The following CHRM5 variants were observed in gnomAD, a reference collection of about 807,000 sequenced individuals.
CHRM5 encodes cholinergic receptor muscarinic 5.
CHRM5 carries 18 observed loss-of-function variants against 39.0 expected under a neutral mutation model. That is an observed-to-expected ratio of 0.46 (90% confidence interval 0.32 to 0.68). The LOEUF (loss-of-function observed/expected upper bound fraction) is 0.68. Ranked by LOEUF, CHRM5 falls within the 30% of genes least tolerant of loss-of-function variation. The pLI is 0.04. For missense variants in CHRM5, 515 were observed against 651.1 expected, an observed-to-expected ratio of 0.79 and a Z score of 2.28; for synonymous variants, 241 against 246.3, an observed-to-expected ratio of 0.98 and a Z score of 0.20.
At chr15:34,009,256 C>T (rs552454959) in intron 1 of CHRM5, among the ~76,000 whole-genome samples, 9 of 152,256 alleles carry the variant, frequency 5.9e-5, no homozygotes, top group African/African-American at 1.9e-4. Context: ...ACAAGATACA[C>T]TAACAAAGTT....
chr15:34,038,567 G>C (rs1899269885), intron 1 of CHRM5, among the ~76,000 whole-genome samples: 1 of 151,526 alleles, frequency 6.6e-6, no homozygotes, highest in Non-Finnish European at 1.5e-5. Context: ...CGCCAGCCCG[G>C]CCAGGAGGCC....
At chr15:33,975,215 G>A (rs1895833324) in intron 1 of CHRM5, among the ~76,000 whole-genome samples, 1 of 152,096 alleles carries the variant, frequency 6.6e-6, no homozygotes, top group Non-Finnish European at 1.5e-5. Context: ...TGTTGTAATT[G>A]TTCTGCCATC....
chr15:34,062,059 C>G (rs1364372610), intron 2 of CHRM5, among the ~76,000 whole-genome samples: 1 of 151,818 alleles, frequency 6.6e-6, no homozygotes, highest in Non-Finnish European at 1.5e-5. Flanking sequence ...CATTTTTTTT[C>G]CTTTCCCTTC....
At chr15:33,997,317 C>T (rs1896975406) in intron 1 of CHRM5, among the ~76,000 whole-genome samples, 1 of 151,806 alleles carries the variant, frequency 6.6e-6, no homozygotes, top group African/African-American at 2.4e-5. Flanking sequence ...TTTTTTAACC[C>T]ACAAATCAAT....
At chr15:33,992,688 A>C (rs1597324064) in intron 1 of CHRM5, among the ~76,000 whole-genome samples, 1 of 152,166 alleles carries the variant, frequency 6.6e-6, no homozygotes, top group South Asian at 2.1e-4. Context: ...AGCTGAATCA[A>C]TGAGGACAAA....
At chr15:34,009,046 A>G (rs1897514523) in intron 1 of CHRM5, among the ~76,000 whole-genome samples, 1 of 152,132 alleles carries the variant, frequency 6.6e-6, no homozygotes. Context: ...CCCAAAGAAA[A>G]TTAATGGCTA....
intron 1 of CHRM5, among the ~76,000 whole-genome samples, chr15:34,011,160 C>T (rs1333594467): frequency 6.6e-6 from 1 of 152,014 alleles, no homozygotes; most frequent in Non-Finnish European, 1.5e-5. Context: ...CCACTGCACT[C>T]CAGCCTGGGT....
intron 2 of CHRM5, among the ~76,000 whole-genome samples, chr15:34,047,375 C>T (rs528679289): frequency 5.9e-5 from 9 of 152,282 alleles, no homozygotes; most frequent in African/African-American, 1.4e-4. Flanking sequence ...CCGTGCCCGG[C>T]GGAGACCTAG....
intron 1 of CHRM5, among the ~76,000 whole-genome samples, chr15:34,001,775 C>T (rs1343198122): frequency 1.3e-5 from 2 of 152,152 alleles, no homozygotes; most frequent in Non-Finnish European, 2.9e-5. Flanking sequence ...CGGAAAAGCA[C>T]ATTCTATTAA....
At chr15:33,983,184 G>A (rs1021527270) in intron 1 of CHRM5, among the ~76,000 whole-genome samples, 9 of 59,156 alleles carry the variant, frequency 1.5e-4, no homozygotes, top group Admixed American at 9.1e-4. Context: ...ATATACACAC[G>A]TGTGTGTATG....
chr15:33,969,973 T>C (rs919120855), intron 1 of CHRM5, among the ~76,000 whole-genome samples: 1 of 151,992 alleles, frequency 6.6e-6, no homozygotes, highest in Non-Finnish European at 1.5e-5. Context: ...CAAAACGTTA[T>C]CATTTAGCAG....
intron 2 of CHRM5, among the ~76,000 whole-genome samples, chr15:34,060,511 A>C (rs922135676): frequency 1.3e-5 from 2 of 152,228 alleles, no homozygotes; most frequent in Non-Finnish European, 2.9e-5. Flanking sequence ...AAAAGTGTCA[A>C]GACTGGCCAT....
intron 1 of CHRM5, among the ~76,000 whole-genome samples, chr15:34,032,776 C>G (rs1342829159): frequency 6.6e-6 from 1 of 152,166 alleles, no homozygotes; most frequent in Non-Finnish European, 1.5e-5. Context: ...CATTCTCAAT[C>G]TGGCTGTATT....
intron 1 of CHRM5, among the ~76,000 whole-genome samples, chr15:33,984,850 T>C (rs1896355068): frequency 6.6e-6 from 1 of 152,038 alleles, no homozygotes; most frequent in Non-Finnish European, 1.5e-5. Context: ...CAAATAACAG[T>C]TCATTCACTC....
At chr15:34,056,071 T>C (rs1875350850) in intron 2 of CHRM5, among the ~76,000 whole-genome samples, 1 of 152,150 alleles carries the variant, frequency 6.6e-6, no homozygotes, top group South Asian at 2.1e-4. Context: ...GAACTCAAAA[T>C]ATGCTGAGGG....
chr15:34,063,972 A>C lies in CHRM5; in HGVS notation c.1255A>C (p.Asn419His). ...VAKEPSTKGL[N>H]PNPSHQMTKR... is the part of the protein sequence containing the mutation. ...CAAGGAACCTTCAACGAAAGGCCTCAATCCCAACCCCAGCCATCAAATGAC... is the reference window on the plus strand; with the variant it reads ...CAAGGAACCTTCAACGAAAGGCCTCCATCCCAACCCCAGCCATCAAATGAC... Residue 419 changes from asparagine to histidine, a missense_variant, in exon 3 of 3, where the codon AAT (asparagine) becomes CAT (histidine). By Grantham distance (68) the Asn-to-His change is moderately conservative (BLOSUM62 1). Transcript: ENST00000383263. This position sits in a 1 kb window ranked among gnomAD's most constrained non-coding sequence, Gnocchi z 4.1. 6.2e-7 allele frequency: 1 copy of C among 1,614,170 alleles called. No individual in the cohort carries two copies. Among genetic ancestry groups the C allele is most frequent in the Non-Finnish European group, 8.5e-7 (1 of 1,180,032 alleles).
chr15:34,062,662 G>A lies in CHRM5; in HGVS notation c.-56G>A, dbSNP rs1454682258. 18 of 1,524,236 alleles carry A rather than the reference G, an allele frequency of 1.2e-5. No individual in the cohort carries two copies. In the South Asian group the frequency reaches 1.9e-4, roughly 16 times the overall value. 94.4% of individuals were successfully genotyped at this position (1,524,236 alleles called of 1,614,324 possible). Reference sequence around the variant, plus strand: ...TTCCAGATGCTGGCCAAGAAGAGCTGAAATAGAAAACAGCCTAGAACCTAA... The same window carrying A: ...TTCCAGATGCTGGCCAAGAAGAGCTAAAATAGAAAACAGCCTAGAACCTAA... On this transcript the variant is annotated 5_prime_UTR_variant, in exon 3 of 3. The change abolishes the stop of an existing upstream ORF in the 5' untranslated region. Coordinates refer to ENST00000383263, the MANE Select transcript of CHRM5 (RefSeq NM_012125.4).
At chr15:34,027,856 T>TA (rs1003347061) in intron 1 of CHRM5, among the ~76,000 whole-genome samples, 1 of 150,240 alleles carries the variant, frequency 6.7e-6, no homozygotes, top group African/African-American at 2.4e-5. Flanking sequence ...ACAAAAACCT[T>TA]AAAGGAAAAA....
chr15:33,970,638 A>C (rs73383748), intron 1 of CHRM5, among the ~76,000 whole-genome samples: 7,153 of 151,960 alleles, frequency 0.047, 513 homozygotes, highest in African/African-American at 0.15. Context: ...TAAATGAAGA[A>C]TATTAATCAA....
Sources: gnomAD v4.1 joint callset for allele counts (sites outside exome capture counted in the v4.1 genomes callset) on GRCh38, gnomAD v4.1.1 for gene constraint, Gnocchi (gnomAD v3.1) non-coding constraint, MANE v1.5 for transcripts, NCBI Gene and HGNC (gene_info 2026-07-23, HGNC 2026-07-21) for gene names.